The following FBXW8 variants were observed in gnomAD, a reference collection of about 807,000 sequenced individuals.
FBXW8 encodes F-box/WD repeat-containing protein 8.
FBXW8 carries 57 observed loss-of-function variants against 65.3 expected under a neutral mutation model. The observed-to-expected ratio is 0.87, with a 90% CI of 0.71 to 1.09. FBXW8 has a LOEUF of 1.09. Among genes scored for constraint, FBXW8 ranks in the 50% least tolerant of loss-of-function variants. FBXW8 has a pLI of 0.00. For synonymous variants in FBXW8, 308 were observed against 330.2 expected, an observed-to-expected ratio of 0.93 and a Z score of 0.73; for missense variants, 777 against 814.8, an observed-to-expected ratio of 0.95 and a Z score of 0.57.
At chr12:116,921,552 A>G (rs1880902968) in intron 1 of FBXW8, among the ~76,000 whole-genome samples, 1 of 152,140 alleles carries the variant, frequency 6.6e-6, no homozygotes, top group African/African-American at 2.4e-5. Flanking sequence ...CCTCTATAAA[A>G]GATTTTAGCT....
chr12:116,975,676 T>G (rs1884882268), intron 5 of FBXW8, among the ~76,000 whole-genome samples: 1 of 152,192 alleles, frequency 6.6e-6, no homozygotes, highest in African/African-American at 2.4e-5. Context: ...GTAATGAAAC[T>G]TTGATATTAT....
chr12:116,964,595 C>A, intron 4 of FBXW8, 102 bp from the exon 5 acceptor site: 1 of 1,418,970 alleles, frequency 7.0e-7, no homozygotes, highest in East Asian at 2.3e-5. Flanking sequence ...TCTACACCAC[C>A]CGATTCTTAC....
chr12:117,016,896 CCCCCATTCAATTGTCTT>C (rs1953963982), intron 8 of FBXW8, among the ~76,000 whole-genome samples: 1 of 152,154 alleles, frequency 6.6e-6, no homozygotes, highest in African/African-American at 2.4e-5. Context: ...ACAATTCTCT[CCCCCATTCAATTGTCTT>C]GGCACCACTG....
intron 9 of FBXW8, among the ~76,000 whole-genome samples, chr12:117,024,987 C>T (rs1471122052): frequency 6.6e-6 from 1 of 151,296 alleles, no homozygotes; most frequent in Admixed American, 6.5e-5. Flanking sequence ...CCAGTGGCAC[C>T]TAACTGGTTA....
chr12:116,969,741 G>T (rs542436532), intron 5 of FBXW8, among the ~76,000 whole-genome samples: 5 of 151,510 alleles, frequency 3.3e-5, no homozygotes, highest in African/African-American at 4.8e-5. Context: ...GTATCCAGAG[G>T]GGGAGATGGA....
chr12:117,016,110 A>T, intron 8 of FBXW8, among the ~76,000 whole-genome samples: 1 of 152,344 alleles, frequency 6.6e-6, no homozygotes, highest in Middle Eastern at 3.4e-3. Context: ...CCTTTTGACT[A>T]TTATAATGCT....
chr12:116,985,239 A>G lies in FBXW8; in HGVS notation c.869A>G (p.Lys290Arg). Residue 290 changes from lysine (K) to arginine (R), a missense_variant, in exon 6 of 11, where the codon AAG (lysine) becomes AGG (arginine). Transcript: ENST00000652555. ...AATATTTGGGATTTAAGGACCGGAA[A>G]GTACCCTGTTCATCGTTTTGAGCAC... ...FLNIWDLRTG[K>R]YPVHRFEHDA... 6.2e-7 allele frequency: 1 copy of G among 1,611,990 alleles called. No homozygotes were observed. Among genetic ancestry groups the G allele is most frequent in the African/African-American group, 1.3e-5 (1 of 74,950 alleles).
intron 2 of FBXW8, among the ~76,000 whole-genome samples, chr12:116,933,323 T>C (rs1203126003): frequency 6.6e-6 from 1 of 152,224 alleles, no homozygotes; most frequent in Non-Finnish European, 1.5e-5. Context: ...AAGAAATCAT[T>C]TCTTTTAACA....
chr12:116,921,963 A>C (rs1316215163), intron 1 of FBXW8, among the ~76,000 whole-genome samples: 2 of 151,174 alleles, frequency 1.3e-5, no homozygotes, highest in African/African-American at 4.9e-5. Flanking sequence ...AAGTAGCTGG[A>C]ACTACAGGTG....
intron 4 of FBXW8, 167 bp downstream of exon 4, chr12:116,949,873 G>A (rs1215527371): frequency 1.2e-5 from 8 of 657,580 alleles, no homozygotes; most frequent in Admixed American, 6.9e-5. Context: ...TCCCAAGGAC[G>A]TGAGAGCGCG....
chr12:116,993,044 A>G (rs4766822), intron 7 of FBXW8, among the ~76,000 whole-genome samples: 100,880 of 149,348 alleles, frequency 0.68, 38,480 homozygotes, highest in Non-Finnish European at 0.84. Context: ...TCCACCAGCA[A>G]TGTATAAGCA....
intron 7 of FBXW8, among the ~76,000 whole-genome samples, chr12:117,004,893 G>C (rs1227442863): frequency 1.3e-5 from 2 of 152,170 alleles, no homozygotes; most frequent in Non-Finnish European, 2.9e-5. Flanking sequence ...CTCTTCATCT[G>C]GGTTTCATGC....
intron 5 of FBXW8, among the ~76,000 whole-genome samples, chr12:116,984,579 T>G (rs945523778): frequency 1.3e-5 from 2 of 152,226 alleles, no homozygotes; most frequent in African/African-American, 4.8e-5. Context: ...CCAAAATGCT[T>G]TGAAACTGTT....
chr12:116,916,076 T>C (rs1880384559), intron 1 of FBXW8, among the ~76,000 whole-genome samples: 1 of 152,236 alleles, frequency 6.6e-6, no homozygotes, highest in Non-Finnish European at 1.5e-5. Context: ...GATTGATCCC[T>C]ATGAATATGC....
intron 8 of FBXW8, among the ~76,000 whole-genome samples, chr12:117,018,782 C>G (rs749640895): frequency 1.3e-5 from 2 of 152,048 alleles, no homozygotes; most frequent in Non-Finnish European, 1.5e-5. Flanking sequence ...ATGCTGGTAT[C>G]TAAATACAAT....
At chr12:117,023,056 T>TAAAGA (rs1954138958) in intron 8 of FBXW8, among the ~76,000 whole-genome samples, 1 of 152,340 alleles carries the variant, frequency 6.6e-6, no homozygotes, top group African/African-American at 2.4e-5. Flanking sequence ...CCTTTTCTGT[T>TAAAGA]AAAGAAAAAG....
At chr12:116,983,654 G>A (rs573914459) in intron 5 of FBXW8, among the ~76,000 whole-genome samples, 1 of 152,336 alleles carries the variant, frequency 6.6e-6, no homozygotes, top group East Asian at 1.9e-4. Flanking sequence ...ACTGCCAAGA[G>A]AAGGAAAGCA....
intron 7 of FBXW8, among the ~76,000 whole-genome samples, chr12:116,993,021 G>A (rs1385368308): frequency 6.6e-6 from 1 of 150,760 alleles, no homozygotes; most frequent in Non-Finnish European, 1.5e-5. Flanking sequence ...TAGAGATTGT[G>A]CTAGTTTACA....
At chr12:116,968,065 G>A (rs1884436393) in intron 5 of FBXW8, among the ~76,000 whole-genome samples, 2 of 152,262 alleles carry the variant, frequency 1.3e-5, no homozygotes, top group South Asian at 4.2e-4. Flanking sequence ...CACCGCGCCT[G>A]GCTTGTCATT....
Sources: gnomAD v4.1 joint callset for allele counts (sites outside exome capture counted in the v4.1 genomes callset) on GRCh38, gnomAD v4.1.1 for gene constraint, MANE v1.5 for transcripts, NCBI Gene and HGNC (gene_info 2026-07-23, HGNC 2026-07-21) for gene names.